The following SAMSN1 variants were observed in gnomAD, a reference collection of about 807,000 sequenced individuals.
SAMSN1 encodes SAM domain-containing protein SAMSN-1.
A neutral mutation model predicts 42.0 loss-of-function variants in SAMSN1; 31 were observed. The ratio of observed to expected loss-of-function variants is 0.74; its 90% CI spans 0.55 to 1.00. The LOEUF (loss-of-function observed/expected upper bound fraction) is 1.00. SAMSN1 is among the 50% of genes least tolerant of loss of function. The probability of loss-of-function intolerance (pLI) is 0.00; values close to 1 mark genes in which losing one functional copy is unlikely to be tolerated. For synonymous variants in SAMSN1, 178 were observed against 151.9 expected, an observed-to-expected ratio of 1.17 and a Z score of -1.26; for missense variants, 464 against 439.4, an observed-to-expected ratio of 1.06 and a Z score of -0.50.
chr21:14,577,114 C>T (rs1327878150), intron 2 of SAMSN1, among the ~76,000 whole-genome samples: 65 of 116,534 alleles, frequency 5.6e-4, no homozygotes, highest in African/African-American at 2.1e-3. Flanking sequence ...GGAGTGCAGT[C>T]GTGCAATCTC....
At chr21:14,643,986 C>A (rs1983656820) in intron 1 of SAMSN1, among the ~76,000 whole-genome samples, 1 of 152,156 alleles carries the variant, frequency 6.6e-6, no homozygotes, top group Non-Finnish European at 1.5e-5. Flanking sequence ...CGAGCCCTGG[C>A]CAGAAGGGAA....
upstream of SAMSN1, among the ~76,000 whole-genome samples, chr21:14,549,580 G>C (rs1043046030): frequency 1.3e-5 from 2 of 152,018 alleles, no homozygotes; most frequent in Admixed American, 1.3e-4. Flanking sequence ...CAAGTGTTTT[G>C]TTACAGGAGG....
intron 4 of SAMSN1, among the ~76,000 whole-genome samples, chr21:14,512,040 G>C (rs1271104645): frequency 6.6e-6 from 1 of 152,026 alleles, no homozygotes; most frequent in East Asian, 1.9e-4. Context: ...GAAGAGGAAG[G>C]GAGAAAGAAA....
chr21:14,565,152 C>T (rs1045791401), intron 2 of SAMSN1, among the ~76,000 whole-genome samples: 17 of 151,618 alleles, frequency 1.1e-4, no homozygotes, highest in African/African-American at 3.6e-4. Flanking sequence ...AAAAATTAGC[C>T]GGGCATGGTG....
rs1176591402 is a variant in SAMSN1, at chr21:14,593,415, A to T, written c.465+598T>A. ...TGTTGATGTATGTGAATATCCTGGAAATTTGCCTGACCTTCTAAAACATGT... is the reference window on the plus strand; with the variant it reads ...TGTTGATGTATGTGAATATCCTGGATATTTGCCTGACCTTCTAAAACATGT... On this transcript the variant is annotated intron_variant, in intron 7 of 15. Transcript: ENST00000647101. Among the ~76,000 whole-genome samples the T allele has an allele frequency of 4.6e-5, 7 of 152,082 alleles. No individual in the cohort carries two copies. In the East Asian group the frequency reaches 1.3e-3, roughly 29 times the overall value.
At chr21:14,521,278 A>C in intron 1 of SAMSN1, 57 bp from the exon 2 acceptor site, 2 of 1,128,344 alleles carry the variant, frequency 1.8e-6, no homozygotes, top group Non-Finnish European at 2.6e-6. Flanking sequence ...CACTGTCCAA[A>C]CTGATAAGTA....
intron 1 of SAMSN1, among the ~76,000 whole-genome samples, chr21:14,533,289 G>A (rs35009227): frequency 0.023 from 3,455 of 152,144 alleles, 62 homozygotes; most frequent in Non-Finnish European, 0.032. Flanking sequence ...AAAAACCCCA[G>A]AAAATTCCAA....
intron 6 of SAMSN1, among the ~76,000 whole-genome samples, chr21:14,500,030 A>C (rs544915839): frequency 3.9e-5 from 6 of 152,330 alleles, no homozygotes; most frequent in Non-Finnish European, 8.8e-5. Context: ...CAGACAACAC[A>C]GTTTCCTTAA....
intron 7 of SAMSN1, among the ~76,000 whole-genome samples, chr21:14,489,975 C>A (rs1024982215): frequency 3.3e-5 from 5 of 151,992 alleles, no homozygotes; most frequent in Non-Finnish European, 7.4e-5. Flanking sequence ...AAAACTGGAT[C>A]CTTATTCTGG....
At chr21:14,631,119 CTCTT>C (rs1393079033) in intron 2 of SAMSN1, among the ~76,000 whole-genome samples, 1 of 152,166 alleles carries the variant, frequency 6.6e-6, no homozygotes, top group Admixed American at 6.5e-5. Context: ...TTAAACACCT[CTCTT>C]TCATCATTTT....
chr21:14,605,431 T>G (rs1030728622), intron 5 of SAMSN1, among the ~76,000 whole-genome samples: 5 of 152,216 alleles, frequency 3.3e-5, no homozygotes, highest in African/African-American at 1.2e-4. Flanking sequence ...GTAGTCTAGT[T>G]TGGCCAGAGT....
chr21:14,621,534 G>T (rs1238167726), intron 2 of SAMSN1, among the ~76,000 whole-genome samples: 1 of 152,146 alleles, frequency 6.6e-6, no homozygotes, highest in Non-Finnish European at 1.5e-5. Context: ...TGCCCATGGA[G>T]CCTCACTCAT....
At chr21:14,523,924 T>A (rs1978665347) in intron 1 of SAMSN1, among the ~76,000 whole-genome samples, 1 of 152,208 alleles carries the variant, frequency 6.6e-6, no homozygotes, top group Admixed American at 6.5e-5. Context: ...GACTATTACT[T>A]TGGGTTTTGT....
intron 4 of SAMSN1, among the ~76,000 whole-genome samples, chr21:14,610,779 G>A (rs982813564): frequency 1.3e-5 from 2 of 152,154 alleles, no homozygotes; most frequent in Non-Finnish European, 2.9e-5. Context: ...AGTCCTTCAT[G>A]GACAACAACA....
chr21:14,573,264 C>A (rs1349436896), intron 2 of SAMSN1, among the ~76,000 whole-genome samples: 1 of 152,156 alleles, frequency 6.6e-6, no homozygotes, highest in Non-Finnish European at 1.5e-5. Context: ...ACTTAAACTT[C>A]ACCCATCCAT....
At chr21:14,498,015 T>C (rs377438730) in intron 7 of SAMSN1, among the ~76,000 whole-genome samples, 4 of 152,324 alleles carry the variant, frequency 2.6e-5, no homozygotes, top group African/African-American at 9.6e-5. Context: ...GACTATGTGG[T>C]CATAAAATGA....
intron 2 of SAMSN1, among the ~76,000 whole-genome samples, chr21:14,559,477 G>A (rs1027574634): frequency 2.6e-5 from 4 of 152,050 alleles, no homozygotes. Flanking sequence ...ACTAGTGAAG[G>A]TCCCTTGGGA....
chr21:14,510,308 A>C lies in SAMSN1; in HGVS notation c.561+2T>G. ...AGAAGGTGGGATATGATGTCCTCTC[A>C]CCTTGATTTTGAGGGAGTCAGTGTC... On this transcript the variant is annotated splice_donor_variant, in intron 5 of 7. Transcript: ENST00000400566. LOFTEE classifies it high-confidence loss of function. 6.2e-7 allele frequency: 1 copy of C among 1,614,016 alleles called. No individual in the cohort carries two copies. Among genetic ancestry groups the C allele is most frequent in the Middle Eastern group, 1.6e-4 (1 of 6,062 alleles).
intron 2 of SAMSN1, among the ~76,000 whole-genome samples, chr21:14,630,883 C>CA (rs1568837359): frequency 1.3e-5 from 2 of 152,168 alleles, no homozygotes; most frequent in Admixed American, 6.5e-5. Flanking sequence ...TAAGACAGAA[C>CA]AAAAAACTCT....
Sources: allele counts gnomAD v4.1 joint callset (sites outside exome capture counted in the v4.1 genomes callset), GRCh38; gene constraint gnomAD v4.1.1; transcripts MANE v1.5; gene names NCBI Gene and HGNC (gene_info 2026-07-23, HGNC 2026-07-21).